The following PCDHA5 variants were observed in gnomAD, a reference collection of about 807,000 sequenced individuals.
The protein encoded by PCDHA5 is protocadherin alpha 5, also known as protocadherin alpha-5.
PCDHA5 carries 43 observed loss-of-function variants against 61.6 expected under a neutral mutation model. The ratio of observed to expected loss-of-function variants is 0.70; its 90% CI spans 0.55 to 0.90. The LOEUF is 0.90. Among genes scored for constraint, PCDHA5 ranks in the 40% least tolerant of loss-of-function variants. The pLI, the probability that PCDHA5 is intolerant of heterozygous loss-of-function variation, is 0.00. For synonymous variants in PCDHA5, 627 were observed against 543.9 expected, an observed-to-expected ratio of 1.15 and a Z score of -2.13; for missense variants, 1,298 against 1,222.7, an observed-to-expected ratio of 1.06 and a Z score of -0.92.
At chr5:140,915,825 C>T (rs1272581051) in intron 1 of PCDHA5, among the ~76,000 whole-genome samples, 1 of 152,118 alleles carries the variant, frequency 6.6e-6, no homozygotes, top group Non-Finnish European at 1.5e-5. Flanking sequence ...GGCCCTAGGG[C>T]TCTAAGATCA....
intron 1 of PCDHA5, chr5:140,870,784 G>T (rs374163229): frequency 3.1e-6 from 5 of 1,613,574 alleles, no homozygotes; most frequent in Non-Finnish European, 4.2e-6. Context: ...GAACGACAAC[G>T]CGCCGGCACT....
intron 1 of PCDHA5, chr5:140,855,953 T>TA (rs2043692800): frequency 2.2e-6 from 3 of 1,381,096 alleles, no homozygotes; most frequent in Admixed American, 4.7e-5. Flanking sequence ...GCCATTTCGA[T>TA]AAAAAATAGA....
At chr5:140,922,254 T>G (rs2080741873) in intron 1 of PCDHA5, among the ~76,000 whole-genome samples, 1 of 152,228 alleles carries the variant, frequency 6.6e-6, no homozygotes, top group East Asian at 1.9e-4. Context: ...GATAAGTTAC[T>G]AAGTGCCATG....
At chr5:140,865,776 T>C (rs1179893870) in intron 1 of PCDHA5, 1 of 152,204 alleles carries the variant, frequency 6.6e-6, no homozygotes, top group African/African-American at 2.4e-5. Flanking sequence ...ATTATTCAAA[T>C]GTGTATCTTT....
chr5:140,829,347 CG>C (rs2150166374), intron 1 of PCDHA5: 1 of 1,614,114 alleles, frequency 6.2e-7, no homozygotes, highest in Non-Finnish European at 8.5e-7. Context: ...GAGAGCGTGT[CG>C]GCCTATGAGT....
Position 140,882,403 on chromosome 5 carries a change from G to A in PCDHA5, c.2352+58276G>A, listed in dbSNP as rs536389638. ...AGGAAGCAAAACACGGCACCTTCGTGGGCCGCATCGCTCAGGACCTGGGGC... is the reference window on the plus strand; with the variant it reads ...AGGAAGCAAAACACGGCACCTTCGTAGGCCGCATCGCTCAGGACCTGGGGC... On this transcript the variant is annotated intron_variant, in intron 1 of 3. Transcript: ENST00000529859. 1.9e-5 allele frequency: 31 copies of A among 1,614,168 alleles called. No homozygotes were observed. In the South Asian group the frequency reaches 3.3e-4, roughly 17 times the overall value.
chr5:140,873,837 T>C (rs554313859), intron 1 of PCDHA5, among the ~76,000 whole-genome samples: 1 of 152,210 alleles, frequency 6.6e-6, no homozygotes, highest in South Asian at 2.1e-4. Context: ...ATTTTTGTAT[T>C]TTTAGTAGAG....
chr5:140,904,235 T>A (rs147535141), intron 1 of PCDHA5, among the ~76,000 whole-genome samples: 1,856 of 152,070 alleles, frequency 0.012, 44 homozygotes, highest in African/African-American at 0.042. Flanking sequence ...TACTTATGCC[T>A]TTGCATCCTC....
chr5:140,920,854 A>C (rs1369314704), intron 1 of PCDHA5, among the ~76,000 whole-genome samples: 1 of 152,006 alleles, frequency 6.6e-6, no homozygotes, highest in East Asian at 1.9e-4. Context: ...AAAAAAAAAA[A>C]AAAACAAACA....
intron 1 of PCDHA5, chr5:140,848,752 T>C (rs2040584005): frequency 1.3e-6 from 2 of 1,593,188 alleles, no homozygotes; most frequent in Non-Finnish European, 1.7e-6. Context: ...ATTTTGTTTG[T>C]GAATTCTCGG....
At chr5:140,864,745 T>G (rs528957668) in intron 1 of PCDHA5, 1 of 152,328 alleles carries the variant, frequency 6.6e-6, no homozygotes, top group Non-Finnish European at 1.5e-5. Flanking sequence ...GAGCACCGAT[T>G]ATACTCATTT....
At chr5:140,876,686 A>G (rs1554168790) in intron 1 of PCDHA5, 1 of 1,613,822 alleles carries the variant, frequency 6.2e-7, no homozygotes, top group Admixed American at 1.7e-5. Context: ...AAGAATTACT[A>G]CTCGTTGGTG....
intron 1 of PCDHA5, among the ~76,000 whole-genome samples, chr5:140,941,214 CCTTT>C (rs60032403): frequency 6.5e-5 from 8 of 122,492 alleles, no homozygotes; most frequent in Non-Finnish European, 1.2e-4. Context: ...TTTCTTTCTT[CCTTT>C]CTTTCTTTCT....
At chr5:141,003,046 A>C (rs530303478) in intron 3 of PCDHA5, among the ~76,000 whole-genome samples, 76 of 152,356 alleles carry the variant, frequency 5.0e-4, no homozygotes, top group African/African-American at 1.8e-3. Context: ...TCCTGGCCTT[A>C]ACAGAACAGT....
intron 1 of PCDHA5, chr5:140,857,901 G>C: frequency 1.3e-6 from 2 of 1,597,732 alleles, no homozygotes; most frequent in Non-Finnish European, 1.7e-6. Context: ...GTTGGTGCAC[G>C]CATCCCGTTT....
intron 1 of PCDHA5, chr5:140,883,418 C>T: frequency 6.2e-7 from 1 of 1,614,172 alleles, no homozygotes; most frequent in Non-Finnish European, 8.5e-7. Flanking sequence ...CTCAAATGGA[C>T]AGGTCACCTG....
intron 1 of PCDHA5, chr5:140,882,195 T>C: frequency 1.3e-6 from 2 of 1,521,122 alleles, no homozygotes; most frequent in Non-Finnish European, 8.8e-7. Flanking sequence ...GCCATAAAAA[T>C]TGGGCCTTGA....
intron 1 of PCDHA5, chr5:140,875,423 G>T: frequency 6.6e-7 from 1 of 1,524,996 alleles, no homozygotes; most frequent in Non-Finnish European, 8.8e-7. Context: ...CCTCAGGCAA[G>T]CGATCCCTTA....
rs1393449326 is a variant in PCDHA5, at chr5:140,836,217, C to A, written c.2352+12090C>A. On this transcript the variant is annotated intron_variant, in intron 1 of 3. Transcript: ENST00000529859. ...CAACGCGTGGCTTTCGTATGAGTTG[C>A]AACCGGTGGCGGCCGGTGCGAGCAT... The A allele has an allele frequency of 1.2e-6, 2 of 1,613,820 alleles. 1 individual carries two copies. The highest frequency in any genetic ancestry group is 2.7e-5 in the African/African-American group (2 of 74,978).
Sources: allele counts gnomAD v4.1 joint callset (sites outside exome capture counted in the v4.1 genomes callset), GRCh38; gene constraint gnomAD v4.1.1; transcripts MANE v1.5; gene names NCBI Gene and HGNC (gene_info 2026-07-23, HGNC 2026-07-21).